MPRIP: variants seen among roughly 807,000 people sequenced by gnomAD.
The protein encoded by MPRIP is myosin phosphatase Rho interacting protein.
In MPRIP, 59 loss-of-function variants were observed where a neutral mutation model predicts 234.9. That is an observed-to-expected ratio of 0.25 (90% CI 0.20 to 0.31). The LOEUF is 0.31. MPRIP is among the 10% of genes least tolerant of loss of function. The pLI is 1.00. For synonymous variants in MPRIP, 1,144 were observed against 1,263.9 expected (o/e 0.91, Z 2.01); for missense variants, 2,436 against 3,071.0 (o/e 0.79, Z 4.89).
intron 15 of MPRIP, 139 bp from the exon 16 acceptor site, chr17:17,163,970 G>T: frequency 9.0e-6 from 4 of 443,928 alleles, no homozygotes; most frequent in South Asian, 2.9e-5. Flanking sequence ...TTTTTAATGG[G>T]AAAAAAAAAT....
intron 3 of MPRIP, among the ~76,000 whole-genome samples, chr17:17,081,832 C>T (rs995672985): frequency 6.6e-6 from 1 of 152,176 alleles, no homozygotes; most frequent in Non-Finnish European, 1.5e-5. Flanking sequence ...GATACACCCA[C>T]GTACCCTGTA....
chr17:17,168,382 C>T (rs2046052820), intron 16 of MPRIP: 1 of 241,220 alleles, frequency 4.1e-6, no homozygotes, highest in African/African-American at 2.3e-5. Context: ...AGGGCAGTCT[C>T]CTCCTGATTG....
rs1236846171 is a variant in MPRIP at position 17,113,880 on chromosome 17, C to CTTTTTTTTTTTTTTTTTTTT, written c.268-12818_268-12817insTTTTTTTTTTTTTTTTTTTT. 2.1e-5 allele frequency among the ~76,000 whole-genome samples: 2 copies of CTTTTTTTTTTTTTTTTTTTT among 93,210 alleles called. 1 individual carries two copies. Among genetic ancestry groups the CTTTTTTTTTTTTTTTTTTTT allele is most frequent in the African/African-American group, 1.1e-4 (2 of 18,954 alleles). 61.1% of individuals were successfully genotyped at this position (93,210 alleles called of 152,430 possible). A position where few individuals can be genotyped will look rare whatever the true frequency, so the allele number is the denominator to read the frequency against. On this transcript the variant is annotated intron_variant, in intron 3 of 23. Transcript: ENST00000651222. ...TGTGATTTGCATTTTCTTTTCTTTT[C>CTTTTTTTTTTTTTTTTTTTT]TTTTCTTTTTTTTTTTTTTTTTTTA...
At position 17,179,990 on chromosome 17, in the gene MPRIP, T is replaced by C; in HGVS notation, c.7121-13T>C. 1 of 1,588,096 alleles carries C rather than the reference T, an allele frequency of 6.3e-7. No individual in the cohort carries two copies. The highest frequency in any genetic ancestry group is 8.6e-7 in the Non-Finnish European group (1 of 1,168,592). ...AAGGTAACAGGTCTGTTTGTTTTCA[T>C]TATATACCGCAGATATAATGAAATC... On this transcript the variant is annotated splice_polypyrimidine_tract_variant and intron_variant, in intron 22 of 23. Coordinates refer to ENST00000651222, the MANE Select transcript of MPRIP (RefSeq NM_001364716.4).
chr17:17,136,516 G>A, intron 6 of MPRIP, 66 bp downstream of exon 6: 2 of 1,483,990 alleles, frequency 1.3e-6, no homozygotes, highest in Non-Finnish European at 1.8e-6. Context: ...AGCTGGCCCT[G>A]GGGATTCAGC....
At chr17:17,095,684 G>A (rs897126836) in intron 3 of MPRIP, among the ~76,000 whole-genome samples, 2 of 152,046 alleles carry the variant, frequency 1.3e-5, no homozygotes, top group East Asian at 1.9e-4. Context: ...GCAACCCTCC[G>A]TGCTGGTCAG....
intron 3 of MPRIP, among the ~76,000 whole-genome samples, chr17:17,124,228 T>C (rs982700342): frequency 1.3e-5 from 2 of 152,166 alleles, no homozygotes; most frequent in African/African-American, 4.8e-5. Flanking sequence ...CCCAAACAAT[T>C]ACTGCGTAAG....
intron 3 of MPRIP, among the ~76,000 whole-genome samples, chr17:17,082,670 G>A (rs1050203866): frequency 2.0e-5 from 3 of 152,156 alleles, no homozygotes; most frequent in Admixed American, 6.5e-5. Flanking sequence ...GCAGTTCAGT[G>A]GCATTAAGTA....
At chr17:17,151,667 A>G (rs144607348) in intron 12 of MPRIP, among the ~76,000 whole-genome samples, 284 of 152,344 alleles carry the variant, frequency 1.9e-3, no homozygotes, top group Middle Eastern at 3.4e-3. Context: ...GTCAGCATGA[A>G]GTGTTAGGTG....
intron 1 of MPRIP, among the ~76,000 whole-genome samples, chr17:17,050,175 C>T (rs568717903): frequency 6.6e-6 from 1 of 151,982 alleles, no homozygotes; most frequent in South Asian, 2.1e-4. Context: ...ATTAATCGGG[C>T]GTGGTGGTGG....
intron 3 of MPRIP, among the ~76,000 whole-genome samples, chr17:17,113,341 A>G (rs1311104493): frequency 3.9e-5 from 6 of 152,056 alleles, no homozygotes; most frequent in Non-Finnish European, 8.8e-5. Context: ...CCACCATTCT[A>G]CTCTCTATGA....
At chr17:17,108,819 A>T (rs2090113184) in intron 3 of MPRIP, among the ~76,000 whole-genome samples, 1 of 152,234 alleles carries the variant, frequency 6.6e-6, no homozygotes, top group African/African-American at 2.4e-5. Flanking sequence ...CTTTGGGCAG[A>T]AAAGGCAGTT....
intron 23 of MPRIP, among the ~76,000 whole-genome samples, chr17:17,180,306 G>C (rs1003189522): frequency 2.6e-5 from 4 of 152,238 alleles, no homozygotes; most frequent in African/African-American, 9.6e-5. Flanking sequence ...GACAGGCCAG[G>C]GCTGTGAAGA....
At chr17:17,045,054 T>C (rs2143801075) in intron 1 of MPRIP, among the ~76,000 whole-genome samples, 1 of 152,280 alleles carries the variant, frequency 6.6e-6, no homozygotes, top group Non-Finnish European at 1.5e-5. Flanking sequence ...CTCTCATCCT[T>C]ATGGCTCCAT....
At position 17,167,202 on chromosome 17, in the gene MPRIP, CA is replaced by C; in HGVS notation, c.5614del (p.Thr1872ProfsTer16). ...KELQLCKESW[Q>X]TREPSCSEQA... ...GCTCCAGCTCTGCAAGGAGTCCTGG[CA>C]AACCCGGGAGCCCTCCTGCTCAGAG... On this transcript the variant is annotated frameshift_variant, in exon 16 of 24. Transcript: ENST00000651222. LOFTEE classifies it high-confidence loss of function. The surrounding 1 kb of genome is among the most constrained non-coding windows in gnomAD (Gnocchi z 5.9). 7.7e-7 allele frequency: 1 copy of C among 1,304,076 alleles called. No individual in the cohort carries two copies. The highest frequency in any genetic ancestry group is 1.0e-6 in the Non-Finnish European group (1 of 988,932). 80.8% of individuals were successfully genotyped at this position (1,304,076 alleles called of 1,614,324 possible).
In MPRIP at chr17:17,158,775, A is replaced by G; in HGVS notation, c.2173A>G (p.Thr725Ala). The change falls in exon 14 of 24, where the codon ACT becomes GCT. Residue 725 changes from threonine (T) to alanine (A), a missense_variant. Coordinates refer to ENST00000651222, the MANE Select transcript of MPRIP (RefSeq NM_001364716.4). ...GMLDATDGPG[T>A]EDAALRMEVD... ...GCTCGACGCCACAGACGGGCCAGGCACTGAGGATGCAGCCCTGCGCATGGA... is the reference window on the plus strand; with the variant it reads ...GCTCGACGCCACAGACGGGCCAGGCGCTGAGGATGCAGCCCTGCGCATGGA... The G allele has an allele frequency of 1.2e-6, 2 of 1,611,634 alleles. No individual in the cohort carries two copies. The highest frequency in any genetic ancestry group is 4.5e-5 in the East Asian group (2 of 44,886).
intron 1 of MPRIP, among the ~76,000 whole-genome samples, chr17:17,043,769 C>T (rs2088257740): frequency 6.6e-6 from 1 of 152,144 alleles, no homozygotes; most frequent in Non-Finnish European, 1.5e-5. Context: ...CTTGGGAACC[C>T]CTGCAGTGAT....
intron 7 of MPRIP, 40 bp from the exon 8 acceptor site, chr17:17,142,587 A>G (rs1386866745): frequency 3.1e-5 from 50 of 1,604,834 alleles, no homozygotes; most frequent in Non-Finnish European, 3.9e-5. Flanking sequence ...CTCACAGCTC[A>G]CCTCACTGCC....
rs1323479188 is a variant in MPRIP at position 17,189,853 on chromosome 17, G to C, written c.*4959G>C. On this transcript the variant is annotated 3_prime_UTR_variant, in exon 24 of 24. Transcript: ENST00000651222. Reference sequence around the variant, plus strand: ...CCCTGCAAGCTGGGATCAGCCCTGTGTTTTCTCCTTTCAGCTGAAGTGAGC... The same window carrying C: ...CCCTGCAAGCTGGGATCAGCCCTGTCTTTTCTCCTTTCAGCTGAAGTGAGC... 1 of 152,280 alleles carries C rather than the reference G, an allele frequency of 6.6e-6. No individual in the cohort carries two copies. The highest frequency in any genetic ancestry group is 1.5e-5 in the Non-Finnish European group (1 of 68,078). The allele number at this position is 152,280 out of a possible 1,614,324, so 9.4% of individuals were successfully genotyped here.
Sources: allele counts gnomAD v4.1 joint callset (sites outside exome capture counted in the v4.1 genomes callset), GRCh38; gene constraint gnomAD v4.1.1; non-coding constraint Gnocchi (gnomAD v3.1); transcripts MANE v1.5; gene names NCBI Gene and HGNC (gene_info 2026-07-23, HGNC 2026-07-21).